GRIK2: variants seen among roughly 807,000 people sequenced by gnomAD.
The protein encoded by GRIK2 is glutamate receptor ionotropic, kainate 2.
Under a neutral mutation model 100.3 loss-of-function variants are expected in GRIK2, and 32 were observed. That is an observed-to-expected ratio of 0.32 (90% confidence interval 0.24 to 0.43). GRIK2 has a LOEUF of 0.43. Ranked by LOEUF, GRIK2 falls within the 20% of genes least tolerant of loss-of-function variation. The pLI, the probability that GRIK2 is intolerant of heterozygous loss-of-function variation, is 1.00. For synonymous variants in GRIK2, 417 were observed against 389.4 expected (o/e 1.07, Z -0.83); for missense variants, 843 against 1,114.9 (o/e 0.76, Z 3.47).
chr6:101,689,365 T>C (rs1341649292), intron 7 of GRIK2, among the ~76,000 whole-genome samples: 1 of 152,100 alleles, frequency 6.6e-6, no homozygotes, highest in Admixed American at 6.6e-5. Flanking sequence ...TCATTTGCCA[T>C]TGTGTAAGAT....
At chr6:101,729,925 A>G (rs1775143670) in intron 7 of GRIK2, among the ~76,000 whole-genome samples, 1 of 151,982 alleles carries the variant, frequency 6.6e-6, no homozygotes, top group Non-Finnish European at 1.5e-5. Context: ...ATTCTACTAA[A>G]CAGCAGTGAT....
At chr6:101,677,330 A>G (rs1770915175) in intron 5 of GRIK2, among the ~76,000 whole-genome samples, 1 of 152,154 alleles carries the variant, frequency 6.6e-6, no homozygotes, top group African/African-American at 2.4e-5. Flanking sequence ...TCAAGTAGCA[A>G]GAACATAGCA....
intron 7 of GRIK2, among the ~76,000 whole-genome samples, chr6:101,711,530 A>G (rs1773696118): frequency 6.6e-6 from 1 of 151,782 alleles, no homozygotes. Context: ...ATTAAAGAGG[A>G]TGATTGAGTT....
chr6:101,813,332 C>T (rs186977836), intron 9 of GRIK2, among the ~76,000 whole-genome samples: 19 of 152,186 alleles, frequency 1.2e-4, no homozygotes, highest in East Asian at 7.7e-4. Flanking sequence ...TGAAGGAAGA[C>T]GGCTCTGATA....
chr6:101,713,307 G>T (rs1421858492), intron 7 of GRIK2, among the ~76,000 whole-genome samples: 1 of 151,666 alleles, frequency 6.6e-6, no homozygotes, highest in Non-Finnish European at 1.5e-5. Context: ...TAACTCATGT[G>T]AATTCGGTTT....
At chr6:101,626,883 A>G (rs1369706449) in intron 4 of GRIK2, among the ~76,000 whole-genome samples, 2 of 151,954 alleles carry the variant, frequency 1.3e-5, no homozygotes, top group Non-Finnish European at 2.9e-5. Context: ...AAGATCAGCT[A>G]GTTTGGTAGG....
chr6:101,781,705 TATA>T (rs1430884497), intron 7 of GRIK2, among the ~76,000 whole-genome samples: 1 of 152,142 alleles, frequency 6.6e-6, no homozygotes, highest in African/African-American at 2.4e-5. Context: ...ATTTTAATAA[TATA>T]GTTTCCTGGA....
chr6:101,539,391 T>G (rs911237149), intron 2 of GRIK2, among the ~76,000 whole-genome samples: 5 of 151,760 alleles, frequency 3.3e-5, no homozygotes, highest in Non-Finnish European at 7.4e-5. Context: ...ATCATGGAAA[T>G]GGAAGAAAGG....
intron 7 of GRIK2, among the ~76,000 whole-genome samples, chr6:101,686,912 CTTAGTTGTTTATGCCAAACAACT>C (rs568316554): frequency 1.3e-5 from 2 of 151,998 alleles, no homozygotes; most frequent in Non-Finnish European, 2.9e-5. Context: ...TCTTATATAA[CTTAGTTGTTTATGCCAAACAACT>C]TTAGTTGTTT....
intron 7 of GRIK2, among the ~76,000 whole-genome samples, chr6:101,764,687 AC>A (rs1777935424): frequency 1.3e-5 from 2 of 152,142 alleles, no homozygotes; most frequent in South Asian, 4.1e-4. Context: ...TCACCCTGTT[AC>A]CCAGGCTGAA....
At chr6:101,794,678 G>A (rs1287594920) in intron 7 of GRIK2, among the ~76,000 whole-genome samples, 1 of 151,132 alleles carries the variant, frequency 6.6e-6, no homozygotes, top group Non-Finnish European at 1.5e-5. Context: ...GTCTCATTGA[G>A]CTTCTTTGCT....
At position 101,799,672 on chromosome 6, in the gene GRIK2, G is replaced by T; in HGVS notation, c.976G>T (p.Ala326Ser). 1.2e-6 allele frequency: 2 copies of T among 1,613,092 alleles called. No homozygotes were observed. Among genetic ancestry groups the T allele is most frequent in the Non-Finnish European group, 1.7e-6 (2 of 1,179,208 alleles). ...GACTGATGCTGCTCTAATGTATGATGCTGTGCATGTGGTGTCTGTGGCCGT... is the reference window on the plus strand; with the variant it reads ...GACTGATGCTGCTCTAATGTATGATTCTGTGCATGTGGTGTCTGTGGCCGT... Reference protein sequence around the residue: ...MTTDAALMYDAVHVVSVAVQQ... With the variant: ...MTTDAALMYDSVHVVSVAVQQ... The change falls in exon 8 of 17, where the codon GCT (alanine) becomes TCT (serine). Residue 326 changes from alanine to serine, a missense_variant. Around this residue, in one of 3 missense-constraint regions of GRIK2, gnomAD observed 519 missense variants for 643.8 expected, o/e 0.81. Transcript: ENST00000369134.
chr6:101,680,112 G>A (rs1562305553), intron 5 of GRIK2, among the ~76,000 whole-genome samples: 1 of 152,168 alleles, frequency 6.6e-6, no homozygotes, highest in South Asian at 2.1e-4. Context: ...CTGAGAGAAG[G>A]TCAATGAAAG....
intron 2 of GRIK2, among the ~76,000 whole-genome samples, chr6:101,571,595 G>T (rs1777534705): frequency 2.0e-5 from 3 of 151,962 alleles, no homozygotes. Flanking sequence ...AGTGATTCTG[G>T]CCTGGAAATG....
chr6:101,798,682 C>T (rs1200961769), intron 7 of GRIK2, among the ~76,000 whole-genome samples: 1 of 151,776 alleles, frequency 6.6e-6, no homozygotes, highest in Non-Finnish European at 1.5e-5. Context: ...GAAATATATG[C>T]TTTTATTCTA....
chr6:101,894,912 A>G (rs1233615353), intron 12 of GRIK2, among the ~76,000 whole-genome samples: 2 of 151,796 alleles, frequency 1.3e-5, no homozygotes, highest in East Asian at 1.9e-4. Flanking sequence ...AGAAAGGAAT[A>G]ATGGTACACA....
At chr6:102,032,656 A>G (rs1462127015) in intron 14 of GRIK2, among the ~76,000 whole-genome samples, 1 of 151,206 alleles carries the variant, frequency 6.6e-6, no homozygotes, top group African/African-American at 2.4e-5. Flanking sequence ...CTCATATTAG[A>G]GAGTTCTTGA....
chr6:101,744,545 T>TATACACAC (rs1776286396), intron 7 of GRIK2: 1 of 131,076 alleles, frequency 7.6e-6, no homozygotes, highest in African/African-American at 2.9e-5. Flanking sequence ...TATATATATA[T>TATACACAC]ATATATATAT....
chr6:101,813,979 G>A (rs921774866), intron 9 of GRIK2, among the ~76,000 whole-genome samples: 2 of 149,510 alleles, frequency 1.3e-5, no homozygotes. Context: ...AAAAAAAAAT[G>A]TTAACTAAAA....
Sources: gnomAD v4.1 joint callset for allele counts (sites outside exome capture counted in the v4.1 genomes callset) on GRCh38, gnomAD v4.1.1 for gene constraint, gnomAD v4.1.1 regional missense constraint, MANE v1.5 for transcripts, NCBI Gene and HGNC (gene_info 2026-07-23, HGNC 2026-07-21) for gene names.